GARIN1A: variants seen among roughly 807,000 people sequenced by gnomAD.
GARIN1A encodes the protein Golgi-associated RAB2 interactor protein 1A.
the GARIN1A span, chr7:128,679,961 G>T: frequency 2.3e-6 from 2 of 872,996 alleles, no homozygotes; most frequent in Non-Finnish European, 3.4e-6. Context: ...CCCCTTCAAA[G>T]TTCTACCCCG....
the GARIN1A span, among the ~76,000 whole-genome samples, chr7:128,688,297 A>T: frequency 6.6e-6 from 1 of 152,184 alleles, no homozygotes; most frequent in Non-Finnish European, 1.5e-5. Context: ...GGCGTGAGCC[A>T]CCGCGCCTGG....
the GARIN1A span, among the ~76,000 whole-genome samples, chr7:128,671,841 TAA>T: frequency 4.9e-5 from 7 of 142,210 alleles, no homozygotes; most frequent in African/African-American, 5.1e-5. Flanking sequence ...TCCATTTCTT[TAA>T]AAAAAAAAAA....
At chr7:128,676,075 A>G in the GARIN1A span, among the ~76,000 whole-genome samples, 12 of 144,010 alleles carry the variant, frequency 8.3e-5, no homozygotes, top group Admixed American at 2.2e-4. Flanking sequence ...GCTGGAGTGC[A>G]GTGGCGGGAT....
At chr7:128,705,288 CCTTGTCTTT>C in the GARIN1A span, among the ~76,000 whole-genome samples, 2 of 152,142 alleles carry the variant, frequency 1.3e-5, no homozygotes, top group African/African-American at 4.8e-5. Flanking sequence ...CTTGTCCTTT[CCTTGTCTTT>C]CTTGTTCTCA....
the GARIN1A span, chr7:128,677,841 C>G: frequency 6.3e-7 from 1 of 1,591,698 alleles, no homozygotes; most frequent in Non-Finnish European, 8.6e-7. Context: ...CGGGACCTGT[C>G]GAGAAATAAG....
At chr7:128,695,774 C>A in the GARIN1A span, among the ~76,000 whole-genome samples, 1 of 151,894 alleles carries the variant, frequency 6.6e-6, no homozygotes, top group Non-Finnish European at 1.5e-5. This position sits in a 1 kb window ranked among gnomAD's most constrained non-coding sequence, Gnocchi z 4.5. Context: ...GAACACCTGG[C>A]CTCAAGTGAT....
At chr7:128,676,370 C>A in the GARIN1A span, among the ~76,000 whole-genome samples, 5 of 151,900 alleles carry the variant, frequency 3.3e-5, no homozygotes. Flanking sequence ...AGGGCAGTAC[C>A]CAGTCCTTGT....
the GARIN1A span, chr7:128,683,151 G>T: frequency 4.4e-6 from 7 of 1,607,782 alleles, no homozygotes; most frequent in Admixed American, 1.7e-5. Context: ...GCACTTCTTG[G>T]GAGCCTGACA....
chr7:128,682,742 A>G, the GARIN1A span, among the ~76,000 whole-genome samples: 1 of 151,844 alleles, frequency 6.6e-6, no homozygotes, highest in East Asian at 1.9e-4. Context: ...ATGCCTGGCT[A>G]ATTTTTGTAT....
chr7:128,675,621 C>T, the GARIN1A span: 10 of 1,592,190 alleles, frequency 6.3e-6, no homozygotes, highest in East Asian at 2.0e-4. Flanking sequence ...CATCTGTATT[C>T]CACCCCTTGT....
chr7:128,688,142 G>C, the GARIN1A span, among the ~76,000 whole-genome samples: 1 of 152,012 alleles, frequency 6.6e-6, no homozygotes, highest in African/African-American at 2.4e-5. Context: ...CTCCCGAGTA[G>C]CTGGGATTAA....
At chr7:128,679,538 T>C in the GARIN1A span, among the ~76,000 whole-genome samples, 1 of 152,156 alleles carries the variant, frequency 6.6e-6, no homozygotes, top group Non-Finnish European at 1.5e-5. Context: ...TTACAAATTT[T>C]TACAAATATT....
At chr7:128,671,761 A>G in the GARIN1A span, among the ~76,000 whole-genome samples, 4 of 152,024 alleles carry the variant, frequency 2.6e-5, no homozygotes, top group Non-Finnish European at 5.9e-5. Context: ...CCAGCATACA[A>G]CTGTGCCACT....
At chr7:128,690,803 G>C in the GARIN1A span, 1 of 152,130 alleles carries the variant, frequency 6.6e-6, no homozygotes, top group African/African-American at 2.4e-5. Flanking sequence ...TCCAGGTGAA[G>C]AGAGATGAAG....
the GARIN1A span, chr7:128,684,605 AC>A: frequency 3.6e-5 from 4 of 110,464 alleles, no homozygotes; most frequent in Non-Finnish European, 7.1e-5. Context: ...ACAGAGCCAG[AC>A]TCCATCTCAA....
chr7:128,698,299 C>T, the GARIN1A span, among the ~76,000 whole-genome samples: 1 of 152,130 alleles, frequency 6.6e-6, no homozygotes, highest in African/African-American at 2.4e-5. Context: ...CTCTTGCCCA[C>T]ACCCCACACT....
the GARIN1A span, chr7:128,683,211 T>TTA: frequency 7.3e-6 from 10 of 1,372,546 alleles, no homozygotes; most frequent in African/African-American, 5.8e-5. Flanking sequence ...CTACCACCTC[T>TTA]TATAATGCTC....
At chr7:128,683,015 C>G in the GARIN1A span, 1 of 1,610,526 alleles carries the variant, frequency 6.2e-7, no homozygotes. Context: ...ACAAGATACC[C>G]TCTCCAGTGG....
chr7:128,689,739 G>C, the GARIN1A span, among the ~76,000 whole-genome samples: 3 of 103,914 alleles, frequency 2.9e-5, no homozygotes, highest in African/African-American at 9.4e-5. Flanking sequence ...CCGGGAGGGA[G>C]GTGGGGGTCA....
Sources: gnomAD v4.1 joint callset for allele counts (sites outside exome capture counted in the v4.1 genomes callset) on GRCh38, gnomAD v4.1.1 for gene constraint, Gnocchi (gnomAD v3.1) non-coding constraint, MANE v1.5 for transcripts, NCBI Gene and HGNC (gene_info 2026-07-23, HGNC 2026-07-21) for gene names.